Variants in ARHGAP22 observed in about 807,000 individuals in gnomAD.
ARHGAP22 encodes Rho GTPase activating protein 22.
In ARHGAP22, 48 loss-of-function variants were observed where a neutral mutation model predicts 59.1. The ratio of observed to expected loss-of-function variants is 0.81; its 90% CI spans 0.64 to 1.03. ARHGAP22 has a LOEUF of 1.03. Ranked by LOEUF, ARHGAP22 falls within the 50% of genes least tolerant of loss-of-function variation. ARHGAP22 has a pLI of 0.00. For synonymous variants in ARHGAP22, 445 were observed against 416.4 expected, an observed-to-expected ratio of 1.07 and a Z score of -0.84; for missense variants, 1,015 against 958.7, an observed-to-expected ratio of 1.06 and a Z score of -0.78.
chr10:48,559,109 C>T (rs1034948698), intron 2 of ARHGAP22, among the ~76,000 whole-genome samples: 3 of 152,154 alleles, frequency 2.0e-5, no homozygotes, highest in Admixed American at 6.5e-5. Flanking sequence ...CTTTGAGGAG[C>T]GCAAAGTGAG....
chr10:48,440,053 A>G, the ARHGAP22 span, among the ~76,000 whole-genome samples: 3 of 152,098 alleles, frequency 2.0e-5, no homozygotes, highest in African/African-American at 7.2e-5. Context: ...TTGGGAATAA[A>G]CTTGTTTTTA....
intron 3 of ARHGAP22, among the ~76,000 whole-genome samples, chr10:48,497,019 T>G (rs1223010717): frequency 6.6e-6 from 1 of 152,034 alleles, no homozygotes; most frequent in Non-Finnish European, 1.5e-5. Flanking sequence ...AGGGCAGCAC[T>G]GCACTGGGCC....
intron 1 of ARHGAP22, among the ~76,000 whole-genome samples, chr10:48,646,532 T>C (rs2062305093): frequency 6.6e-6 from 1 of 152,200 alleles, no homozygotes; most frequent in African/African-American, 2.4e-5. Context: ...ACCCCAATAT[T>C]TGTGGCTAGC....
chr10:48,448,746 G>A (rs1474653722), intron 9 of ARHGAP22, among the ~76,000 whole-genome samples: 2 of 152,090 alleles, frequency 1.3e-5, no homozygotes, highest in African/African-American at 4.8e-5. Flanking sequence ...CCAAGACAAC[G>A]ACCCAGACCA....
At chr10:48,625,693 TAC>T (rs56897057) in intron 1 of ARHGAP22, among the ~76,000 whole-genome samples, 37,575 of 138,564 alleles carry the variant, frequency 0.27, 5,035 homozygotes, top group Admixed American at 0.33. Flanking sequence ...CTGCAACGTG[TAC>T]ACACACACAC....
intron 3 of ARHGAP22, among the ~76,000 whole-genome samples, chr10:48,527,598 T>C (rs923242365): frequency 2.6e-5 from 4 of 152,162 alleles, no homozygotes; most frequent in Admixed American, 1.3e-4. Flanking sequence ...GATGGTTTAA[T>C]GGTTAAATAA....
At chr10:48,571,979 C>A (rs1237845735) in intron 2 of ARHGAP22, among the ~76,000 whole-genome samples, 2 of 152,108 alleles carry the variant, frequency 1.3e-5, no homozygotes, top group African/African-American at 4.8e-5. Context: ...CCCCACCTGA[C>A]CAAATAAATA....
intron 1 of ARHGAP22, among the ~76,000 whole-genome samples, chr10:48,642,250 A>G (rs1365938892): frequency 2.6e-5 from 4 of 152,230 alleles, no homozygotes; most frequent in Non-Finnish European, 4.4e-5. Flanking sequence ...TAAAGTTCAT[A>G]TGGAAACAAA....
intron 1 of ARHGAP22, among the ~76,000 whole-genome samples, chr10:48,640,489 T>A (rs1228194274): frequency 6.6e-6 from 1 of 152,154 alleles, no homozygotes; most frequent in African/African-American, 2.4e-5. Context: ...GAAAAATGTC[T>A]TGTCACATGA....
chr10:48,525,019 T>A (rs55665699), intron 3 of ARHGAP22, among the ~76,000 whole-genome samples: 31,066 of 152,142 alleles, frequency 0.2, 3,293 homozygotes, highest in East Asian at 0.33. Flanking sequence ...TTTGCAAGTG[T>A]GAGCTATCAT....
intron 4 of ARHGAP22, among the ~76,000 whole-genome samples, chr10:48,475,893 C>T (rs190328397): frequency 1.5e-3 from 223 of 152,340 alleles, no homozygotes; most frequent in African/African-American, 5.1e-3. Context: ...TCTCTCCTCC[C>T]CTTTGCCCAC....
chr10:48,449,426 G>T (rs1336708382), intron 9 of ARHGAP22, among the ~76,000 whole-genome samples: 2 of 152,210 alleles, frequency 1.3e-5, no homozygotes, highest in Non-Finnish European at 2.9e-5. Flanking sequence ...AGAGCAAAAG[G>T]GCAAGGGCTG....
At chr10:48,558,342 T>G (rs1008545008) in intron 2 of ARHGAP22, among the ~76,000 whole-genome samples, 2 of 43,198 alleles carry the variant, frequency 4.6e-5, no homozygotes, top group East Asian at 2.4e-4. Flanking sequence ...GATTTAATGT[T>G]TTTTTTTTGT....
At chr10:48,585,963 G>A (rs191915877) in intron 1 of ARHGAP22, among the ~76,000 whole-genome samples, 48 of 152,256 alleles carry the variant, frequency 3.2e-4, no homozygotes, top group Non-Finnish European at 5.3e-4. Flanking sequence ...AGCCCCCTCT[G>A]AAGCCCAACA....
At chr10:48,493,157 C>T (rs1338790846) in intron 3 of ARHGAP22, among the ~76,000 whole-genome samples, 2 of 152,144 alleles carry the variant, frequency 1.3e-5, no homozygotes, top group Non-Finnish European at 1.5e-5. Flanking sequence ...ATTTTGCCAA[C>T]CACACTCTCA....
chr10:48,617,966 G>A (rs772687050), intron 1 of ARHGAP22, among the ~76,000 whole-genome samples: 1 of 151,678 alleles, frequency 6.6e-6, no homozygotes, highest in Admixed American at 6.6e-5. Flanking sequence ...AAAGAAATAA[G>A]ACTCAAATAA....
At chr10:48,472,452 A>AGGCAGAAGAATTGCTTGAACCTAAGT (rs2048321124) in intron 4 of ARHGAP22, among the ~76,000 whole-genome samples, 1 of 152,104 alleles carries the variant, frequency 6.6e-6, no homozygotes, top group African/African-American at 2.4e-5. Flanking sequence ...TGAACCTAAG[A>AGGCAGAAGAATTGCTTGAACCTAAGT]GGCAGAGGTT....
In ARHGAP22 at chr10:48,450,470, C is replaced by A; in HGVS notation, c.1659G>T (p.Pro553=). The A allele has an allele frequency of 1.3e-6, 2 of 1,541,294 alleles. No individual in the cohort carries two copies. Among genetic ancestry groups the A allele is most frequent in the Non-Finnish European group, 1.8e-6 (2 of 1,142,414 alleles). The change falls in exon 9 of 10, where the codon CCG becomes CCT. Residue 553 remains proline (P), a synonymous_variant. Transcript: ENST00000249601. ...TGGGGTCCTCGCTGCTGCTGGGGAGCGGGGAGGGCTCCAGGGCCCAGTCGG... is the reference window on the plus strand; with the variant it reads ...TGGGGTCCTCGCTGCTGCTGGGGAGAGGGGAGGGCTCCAGGGCCCAGTCGG... ...LHTDWALEPS[P]LPSSSEDPKS... is the part of the protein sequence containing the mutation.
chr10:48,448,180 C>T (rs1448744223), intron 9 of ARHGAP22, among the ~76,000 whole-genome samples: 1 of 152,214 alleles, frequency 6.6e-6, no homozygotes, highest in African/African-American at 2.4e-5. Flanking sequence ...TGCCCCCTCC[C>T]CACACATCTC....
Sources: gnomAD v4.1 joint callset for allele counts (sites outside exome capture counted in the v4.1 genomes callset) on GRCh38, gnomAD v4.1.1 for gene constraint, MANE v1.5 for transcripts, NCBI Gene and HGNC (gene_info 2026-07-23, HGNC 2026-07-21) for gene names.